The following ENAM variants were observed in gnomAD, a reference collection of about 807,000 sequenced individuals.
ENAM encodes enamelin, also known as amelogenesis imperfecta 2, hypocalcification (autosomal dominant).
In ENAM, 21 loss-of-function variants were observed where a neutral mutation model predicts 33.6. The observed-to-expected ratio is 0.63, with a 90% CI of 0.44 to 0.90. ENAM has a LOEUF of 0.90. ENAM is among the 40% of genes least tolerant of loss of function. ENAM has a pLI of 0.00. For synonymous variants in ENAM, 473 were observed against 468.4 expected, an observed-to-expected ratio of 1.01 and a Z score of -0.13; for missense variants, 1,388 against 1,366.9, an observed-to-expected ratio of 1.02 and a Z score of -0.24.
chr4:70,639,861 C>A (rs781565913), intron 8 of ENAM, among the ~76,000 whole-genome samples: 1 of 152,172 alleles, frequency 6.6e-6, no homozygotes, highest in African/African-American at 2.4e-5. Flanking sequence ...TGCACTCCAG[C>A]CTGGGCAACA....
rs1242570068 is a variant in ENAM at position 70,643,223 on chromosome 4, C to G, written c.1797C>G (p.Phe599Leu). Residue 599 changes from phenylalanine to leucine, a missense_variant, in exon 9 of 9, where the codon TTC becomes TTG. Coordinates refer to ENST00000396073, the MANE Select transcript of ENAM (RefSeq NM_031889.3). ...HPSHGSRGSV[F>L]YPEYNPYDPR... Reference sequence around the variant, plus strand: ...CCCATGGTTCTAGAGGAAGTGTTTTCTACCCTGAATATAACCCATATGATC... The same window carrying G: ...CCCATGGTTCTAGAGGAAGTGTTTTGTACCCTGAATATAACCCATATGATC... The G allele has an allele frequency of 2.5e-6, 4 of 1,613,826 alleles. No homozygotes were observed. In the South Asian group the frequency reaches 3.3e-5, roughly 13 times the overall value.
rs147529082 is a variant in ENAM, at chr4:70,636,119, T to C, written c.534+225T>C. On this transcript the variant is annotated intron_variant, in intron 7 of 8. Transcript: ENST00000396073. The stretch of plus-strand genomic sequence containing the variant: ...AATACAACCTAAATCACCAAACAGA[T>C]ACTAATAAATTAGCTAATAAATTAA... Among the ~76,000 whole-genome samples the C allele has an allele frequency of 6.5e-3, 995 of 152,236 alleles. 16 individuals carry two copies. The highest frequency in any genetic ancestry group is 0.023 in the African/African-American group (944 of 41,540).
At chr4:70,629,738 T>A (rs746389878) in intron 2 of ENAM, among the ~76,000 whole-genome samples, 184 bp downstream of exon 2, 1 of 152,132 alleles carries the variant, frequency 6.6e-6, no homozygotes, top group South Asian at 2.1e-4. Flanking sequence ...TCATTATGAG[T>A]GTTACTTTCA....
At position 70,643,086 on chromosome 4, in the gene ENAM, T is replaced by C; in HGVS notation, c.1660T>C (p.Ser554Pro). 1.9e-6 allele frequency: 3 copies of C among 1,613,874 alleles called. No individual in the cohort carries two copies. ...TGCTGTATACCCTGAGGAAATCCCT[T>C]CTCCTGCAAAAGAACATTTTCCTGC... The part of the protein sequence containing the change: ...QPAVYPEEIP[S>P]PAKEHFPAGR... Residue 554 changes from serine (S) to proline (P), a missense_variant, in exon 9 of 9, where the codon TCT becomes CCT. Physicochemically the swap from Ser to Pro is moderately conservative, Grantham distance 74. Transcript: ENST00000396073.
At chr4:70,632,044 C>G in intron 4 of ENAM, 151 bp downstream of exon 4, 1 of 757,920 alleles carries the variant, frequency 1.3e-6, no homozygotes, top group Non-Finnish European at 2.3e-6. Flanking sequence ...ACTCTCAAAT[C>G]GAGGCAAAGT....
chr4:70,638,793 TC>T (rs1162441439), intron 8 of ENAM, among the ~76,000 whole-genome samples: 4 of 150,804 alleles, frequency 2.7e-5, no homozygotes, highest in Admixed American at 6.6e-5. Flanking sequence ...TTTCTTTCTT[TC>T]TTTTTTTTTT....
chr4:70,629,675 T>TTTCAC, intron 2 of ENAM, 121 bp downstream of exon 2: 1 of 815,470 alleles, frequency 1.2e-6, no homozygotes, highest in Non-Finnish European at 2.2e-6. Flanking sequence ...GAGCATCTGC[T>TTTCAC]TTCACAGATG....
intron 2 of ENAM, among the ~76,000 whole-genome samples, chr4:70,630,908 A>C (rs1045841462): frequency 1.8e-4 from 28 of 151,926 alleles, no homozygotes; most frequent in African/African-American, 6.3e-4. Flanking sequence ...CACCCGGCTA[A>C]TTTTTGTATT....
In ENAM at chr4:70,632,813, C is replaced by T. The variant is rs1738358586; in HGVS notation, c.210+121C>T. On this transcript the variant is annotated intron_variant, in intron 5 of 8. Coordinates refer to ENST00000396073, the MANE Select transcript of ENAM (RefSeq NM_031889.3). The stretch of plus-strand genomic sequence containing the variant: ...TGTTTTAAGTATAATGTAATCATTA[C>T]AAAAGTTTCAAGGTGGAAAAATTAT... 3.9e-6 allele frequency: 3 copies of T among 774,272 alleles called. No homozygotes were observed. The Admixed American group carries it at 6.0e-5, about 15-fold the overall frequency. The allele number at this position is 774,272 out of a possible 1,614,324, so 48.0% of individuals were successfully genotyped here.
At position 70,646,686 on chromosome 4, in the gene ENAM, C is replaced by A. The variant is rs1254036210; in HGVS notation, c.*1831C>A. 1.3e-5 allele frequency: 2 copies of A among 151,682 alleles called. No individual in the cohort carries two copies. The highest frequency in any genetic ancestry group is 2.4e-5 in the African/African-American group (1 of 41,048). 9.4% of individuals were successfully genotyped at this position (151,682 alleles called of 1,614,324 possible). A position where few individuals can be genotyped will look rare whatever the true frequency, so the allele number is the denominator to read the frequency against. ...GATCTTAGAGGTAGATTATCCAGGC[C>A]ATCCCCTACTGCTTACATTCCCCTC... On this transcript the variant is annotated 3_prime_UTR_variant, in exon 9 of 9. Coordinates refer to ENST00000396073, the MANE Select transcript of ENAM (RefSeq NM_031889.3).
chr4:70,642,536 A>G lies in ENAM; in HGVS notation c.1110A>G (p.Gln370=), dbSNP rs758142358. 5 of 1,614,158 alleles carry G rather than the reference A, an allele frequency of 3.1e-6. No individual in the cohort carries two copies. The highest frequency in any genetic ancestry group is 4.2e-6 in the Non-Finnish European group (5 of 1,180,016). Residue 370 remains glutamine (Q), a synonymous_variant, in exon 9 of 9, where the codon CAA becomes CAG. Transcript: ENST00000396073. ...RWNFFAWERK[Q]VARPGNPVYH... ...ACTTCTTTGCTTGGGAACGTAAACA[A>G]GTAGCTCGTCCAGGAAATCCAGTTT... is the stretch of plus-strand genomic sequence containing the variant.
rs1451297262 is a variant in ENAM, at chr4:70,645,852, GA to G, written c.*999del. The G allele has an allele frequency of 6.6e-6, 1 of 152,172 alleles. No individual in the cohort carries two copies. The highest frequency in any genetic ancestry group is 6.5e-5 in the Admixed American group (1 of 15,278). 9.4% of individuals were successfully genotyped at this position (152,172 alleles called of 1,614,324 possible). ...TCAGTTAGAGAGACGTATTTAAGGA[GA>G]AGGGAAGGCAGGATACCCAGAACTA... On this transcript the variant is annotated 3_prime_UTR_variant, in exon 9 of 9. Coordinates refer to ENST00000396073, the MANE Select transcript of ENAM (RefSeq NM_031889.3).
intron 8 of ENAM, among the ~76,000 whole-genome samples, chr4:70,640,760 G>A (rs781439118): frequency 2.0e-5 from 3 of 152,220 alleles, no homozygotes; most frequent in Non-Finnish European, 2.9e-5. Context: ...CTGGTGGAAC[G>A]GGGATTTTAA....
intron 7 of ENAM, 38 bp downstream of exon 7, chr4:70,635,932 A>G (rs1006914466): frequency 1.9e-6 from 2 of 1,060,550 alleles, no homozygotes; most frequent in Non-Finnish European, 2.9e-6. Flanking sequence ...TAAGTGAAAA[A>G]TAATATTAGT....
rs902288165 is a variant in ENAM, at chr4:70,628,904, A to C, written c.-121A>C. ...ACCATTAAGAATATATTTCAAAGGC[A>C]AGCTAACAAAGTTCAAGTAAAAATT... On this transcript the variant is annotated 5_prime_UTR_variant, in exon 1 of 9. Transcript: ENST00000396073. 1.3e-5 allele frequency: 2 copies of C among 152,640 alleles called. No individual in the cohort carries two copies. The highest frequency in any genetic ancestry group is 4.8e-5 in the African/African-American group (2 of 41,462). 9.5% of individuals were successfully genotyped at this position (152,640 alleles called of 1,614,324 possible).
At position 70,642,073 on chromosome 4, in the gene ENAM, C is replaced by T. The variant is rs867263935; in HGVS notation, c.647C>T (p.Ser216Leu). 1.2e-6 allele frequency: 2 copies of T among 1,613,934 alleles called. No homozygotes were observed. The highest frequency in any genetic ancestry group is 1.7e-6 in the Non-Finnish European group (2 of 1,179,904). The change falls in exon 9 of 9, where the codon TCA becomes TTA. Residue 216 changes from serine to leucine, a missense_variant. Transcript: ENST00000396073. ...HGFGGRPPYY[S>L]EEMFEQDFEK... ...TTTGGGGGTCGCCCTCCTTATTATT[C>T]AGAAGAAATGTTTGAACAAGATTTT...
At chr4:70,629,681 A>T (rs1738262060) in intron 2 of ENAM, 127 bp downstream of exon 2, 1 of 799,198 alleles carries the variant, frequency 1.3e-6, no homozygotes, top group Non-Finnish European at 2.2e-6. Context: ...CTGCTTTCAC[A>T]GATGGAATGG....
At chr4:70,630,902 C>T (rs993927823) in intron 2 of ENAM, among the ~76,000 whole-genome samples, 3 of 152,016 alleles carry the variant, frequency 2.0e-5, no homozygotes, top group South Asian at 2.1e-4. Flanking sequence ...ACACCACACC[C>T]GGCTAATTTT....
intron 6 of ENAM, among the ~76,000 whole-genome samples, chr4:70,635,583 T>A (rs140060897): frequency 3.7e-4 from 57 of 152,274 alleles, no homozygotes; most frequent in African/African-American, 1.3e-3. Context: ...AGTAATAGTT[T>A]ATATCTTCTA....
Sources: gnomAD v4.1 joint callset for allele counts (sites outside exome capture counted in the v4.1 genomes callset) on GRCh38, gnomAD v4.1.1 for gene constraint, MANE v1.5 for transcripts, NCBI Gene and HGNC (gene_info 2026-07-23, HGNC 2026-07-21) for gene names.